ANO3: variants seen among roughly 807,000 people sequenced by gnomAD.
The protein encoded by ANO3 is anoctamin-3.
ANO3 carries 99 observed loss-of-function variants against 144.8 expected under a neutral mutation model. That is an observed-to-expected ratio of 0.68 (90% CI 0.58 to 0.81). The LOEUF is 0.81. Among genes scored for constraint, ANO3 ranks in the 30% least tolerant of loss-of-function variants. The probability of loss-of-function intolerance (pLI) is 0.00; values close to 1 mark genes in which losing one functional copy is unlikely to be tolerated. For missense variants in ANO3, 905 were observed against 1,202.2 expected, an observed-to-expected ratio of 0.75 and a Z score of 3.66; for synonymous variants, 414 against 392.6, an observed-to-expected ratio of 1.05 and a Z score of -0.64.
chr11:26,553,552 T>G (rs1345771170), intron 13 of ANO3, among the ~76,000 whole-genome samples: 2 of 152,190 alleles, frequency 1.3e-5, no homozygotes, highest in Non-Finnish European at 2.9e-5. Context: ...CTTCCTTTGT[T>G]TTTATAACTG....
chr11:26,620,726 T>C (rs910200584), intron 17 of ANO3, among the ~76,000 whole-genome samples: 2 of 152,216 alleles, frequency 1.3e-5, no homozygotes, highest in Non-Finnish European at 2.9e-5. Context: ...TACATCCCTA[T>C]ACTTCTTTCA....
intron 1 of ANO3, among the ~76,000 whole-genome samples, chr11:26,253,644 T>C (rs1216307762): frequency 6.6e-6 from 1 of 151,856 alleles, no homozygotes; most frequent in African/African-American, 2.4e-5. Context: ...GCTTAAGAAA[T>C]CAAGGAATCA....
chr11:26,244,665 A>C (rs1219809107), intron 1 of ANO3, among the ~76,000 whole-genome samples: 1 of 152,240 alleles, frequency 6.6e-6, no homozygotes, highest in Non-Finnish European at 1.5e-5. Context: ...ATGCATCACT[A>C]GTTAACAGTT....
In ANO3 at chr11:26,404,931, A is replaced by ATGTGTG. The variant is rs779394110; in HGVS notation, c.47-36986_47-36985insGTGTGT. Among the ~76,000 whole-genome samples, 96 of 39,276 alleles carry ATGTGTG rather than the reference A, an allele frequency of 2.4e-3. No individual in the cohort carries two copies. The East Asian group carries it at 0.034, about 14-fold the overall frequency. 25.8% of individuals were successfully genotyped at this position (39,276 alleles called of 152,430 possible). On this transcript the variant is annotated intron_variant, in intron 1 of 26. Transcript: ENST00000256737. ...GCTAATTTCAGCAAGGAATTTATAT[A>ATGTGTG]TATGTGTGTGTGTGTGTGTGTGTGT...
chr11:26,633,129 CCTAT>C (rs567941045), intron 18 of ANO3, among the ~76,000 whole-genome samples: 41 of 152,136 alleles, frequency 2.7e-4, no homozygotes, highest in Non-Finnish European at 5.1e-4. Flanking sequence ...TAAATGAGAT[CCTAT>C]CTATTTTCCA....
At chr11:26,322,308 C>T (rs755445774) in intron 1 of ANO3, among the ~76,000 whole-genome samples, 3 of 152,046 alleles carry the variant, frequency 2.0e-5, no homozygotes, top group Non-Finnish European at 4.4e-5. Flanking sequence ...GCACAATTTC[C>T]TTTATTATTA....
chr11:26,196,376 C>A lies in ANO3; in HGVS notation c.154+7046C>A, dbSNP rs577155681. Among the ~76,000 whole-genome samples the A allele has an allele frequency of 8.8e-4, 134 of 152,254 alleles. 1 individual carries two copies. The South Asian group carries it at 0.011, about 12-fold the overall frequency. ...TATCTGATTCCACAGTAGATAAGCACAACTCAGCATTTTATAGTTCTTCTT... is the reference window on the plus strand; with the variant it reads ...TATCTGATTCCACAGTAGATAAGCAAAACTCAGCATTTTATAGTTCTTCTT... On this transcript the variant is annotated intron_variant, in intron 1 of 27. Coordinates refer to the ANO3 transcript ENST00000672621.
chr11:26,443,051 A>G (rs947675797), intron 2 of ANO3, among the ~76,000 whole-genome samples: 10 of 152,236 alleles, frequency 6.6e-5, no homozygotes, highest in Non-Finnish European at 1.3e-4. Context: ...GGTGTGAGCC[A>G]CTGCACCCAG....
intron 4 of ANO3, among the ~76,000 whole-genome samples, chr11:26,492,626 G>A (rs1241701152): frequency 1.3e-5 from 2 of 152,050 alleles, no homozygotes; most frequent in Non-Finnish European, 2.9e-5. Context: ...ATAAGTACAG[G>A]GCATTAATTG....
chr11:26,305,520 G>C (rs1479592043), upstream of ANO3, among the ~76,000 whole-genome samples: 3 of 151,340 alleles, frequency 2.0e-5, no homozygotes, highest in Middle Eastern at 3.2e-3. Flanking sequence ...CCTGATAAAA[G>C]AGGGTTTTCA....
chr11:26,424,137 C>G (rs1269473378), intron 1 of ANO3, among the ~76,000 whole-genome samples: 5 of 151,148 alleles, frequency 3.3e-5, no homozygotes, highest in African/African-American at 1.2e-4. Context: ...ATAACTACCT[C>G]TTTCTCTCAC....
In ANO3 at chr11:26,567,055, A is replaced by T. The variant is rs377215628; in HGVS notation, c.1447+7276A>T. 9.3e-6 allele frequency: 14 copies of T among 1,509,026 alleles called. No individual in the cohort carries two copies. In the East Asian group the frequency reaches 1.0e-4, roughly 11 times the overall value. 93.5% of individuals were successfully genotyped at this position (1,509,026 alleles called of 1,614,324 possible). ...TATCATCTTATTTGATACTTACAAC[A>T]ATCCCTTGATGTGGCAAGAATAGAT... is the stretch of plus-strand genomic sequence containing the variant. On this transcript the variant is annotated intron_variant, in intron 14 of 26. Coordinates refer to ENST00000256737, the MANE Select transcript of ANO3 (RefSeq NM_031418.4).
At chr11:26,638,248 T>G (rs767199266) in intron 20 of ANO3, among the ~76,000 whole-genome samples, 26 of 151,866 alleles carry the variant, frequency 1.7e-4, no homozygotes, top group Non-Finnish European at 2.9e-4. Context: ...AGCTTTCCAG[T>G]GGAAAAAAAA....
At chr11:26,433,559 A>G (rs993917945) in intron 1 of ANO3, among the ~76,000 whole-genome samples, 1 of 152,132 alleles carries the variant, frequency 6.6e-6, no homozygotes. Flanking sequence ...GTTATTTTAA[A>G]GTATATTTCT....
At chr11:26,445,355 C>G (rs1360232237) in intron 3 of ANO3, among the ~76,000 whole-genome samples, 1 of 152,152 alleles carries the variant, frequency 6.6e-6, no homozygotes, top group African/African-American at 2.4e-5. Context: ...AAATTAGAAC[C>G]AATGTATAGT....
At chr11:26,256,405 T>C (rs989386053) in intron 1 of ANO3, among the ~76,000 whole-genome samples, 3 of 152,166 alleles carry the variant, frequency 2.0e-5, no homozygotes, top group Admixed American at 6.5e-5. Flanking sequence ...CATTATGTTT[T>C]TGCTTAAATA....
chr11:26,306,363 C>A (rs957811016), upstream of ANO3, among the ~76,000 whole-genome samples: 1 of 152,102 alleles, frequency 6.6e-6, no homozygotes, highest in Non-Finnish European at 1.5e-5. Context: ...TATCTCCTAA[C>A]CTTACCTCTC....
chr11:26,300,738 A>C (rs1288803682), intron 1 of ANO3, among the ~76,000 whole-genome samples: 1 of 152,178 alleles, frequency 6.6e-6, no homozygotes, highest in African/African-American at 2.4e-5. Context: ...TATATTCAGT[A>C]ACTCAGTTGA....
chr11:26,388,180 T>C (rs1189542461), intron 1 of ANO3, among the ~76,000 whole-genome samples: 1 of 151,524 alleles, frequency 6.6e-6, no homozygotes, highest in East Asian at 1.9e-4. Context: ...CCCAAAATTA[T>C]ATTTATGGTC....
Sources: gnomAD v4.1 joint callset for allele counts (sites outside exome capture counted in the v4.1 genomes callset) on GRCh38, gnomAD v4.1.1 for gene constraint, MANE v1.5 for transcripts, NCBI Gene and HGNC (gene_info 2026-07-23, HGNC 2026-07-21) for gene names.